Variants in ZBTB40 observed in about 807,000 individuals in gnomAD.
The protein encoded by ZBTB40 is zinc finger and BTB domain containing 40.
Under a neutral mutation model 117.5 loss-of-function variants are expected in ZBTB40, and 60 were observed. The observed-to-expected ratio is 0.51, with a 90% CI of 0.41 to 0.63. The LOEUF (loss-of-function observed/expected upper bound fraction) is 0.63. ZBTB40 is among the 30% of genes least tolerant of loss of function. The pLI is 0.00. For synonymous variants in ZBTB40, 525 were observed against 577.1 expected (o/e 0.91, Z 1.29); for missense variants, 1,287 against 1,498.5 (o/e 0.86, Z 2.33).
chr1:22,453,772 C>G (rs1569762208), intron 1 of ZBTB40, among the ~76,000 whole-genome samples: 1 of 152,246 alleles, frequency 6.6e-6, no homozygotes, highest in East Asian at 1.9e-4. Flanking sequence ...ACTGAACACC[C>G]TGTATTGTTC....
At chr1:22,469,029 A>G (rs994425852) in intron 1 of ZBTB40, among the ~76,000 whole-genome samples, 1 of 145,760 alleles carries the variant, frequency 6.9e-6, no homozygotes, top group Non-Finnish European at 1.5e-5. Flanking sequence ...GAGTGTCACT[A>G]TGTTGCCCAG....
chr1:22,471,866 G>T (rs1279606229), intron 1 of ZBTB40, among the ~76,000 whole-genome samples: 1 of 152,194 alleles, frequency 6.6e-6, no homozygotes, highest in Non-Finnish European at 1.5e-5. Flanking sequence ...GCCCACACGG[G>T]AGCTGCACTC....
At chr1:22,485,766 C>T (rs763553131) in intron 1 of ZBTB40, among the ~76,000 whole-genome samples, 3 of 151,880 alleles carry the variant, frequency 2.0e-5, no homozygotes, top group African/African-American at 7.2e-5. Context: ...TTTGCTTTTT[C>T]GTTTTGGATT....
At chr1:22,432,156 G>T (rs1221164022) in intron 1 of ZBTB40, among the ~76,000 whole-genome samples, 1 of 152,204 alleles carries the variant, frequency 6.6e-6, no homozygotes, top group African/African-American at 2.4e-5. Flanking sequence ...ACTGAAAGAG[G>T]AAGGGCTTCT....
intron 16 of ZBTB40, 22 bp from the exon 17 acceptor site, chr1:22,524,196 C>T (rs1639613665): frequency 1.9e-6 from 3 of 1,613,006 alleles, no homozygotes; most frequent in East Asian, 2.2e-5. Context: ...CAGCCCTCCC[C>T]TTCTGTCTCC....
intron 1 of ZBTB40, among the ~76,000 whole-genome samples, chr1:22,453,718 C>T (rs1450775439): frequency 1.3e-5 from 2 of 152,188 alleles, no homozygotes; most frequent in Non-Finnish European, 2.9e-5. Context: ...TTCGAGGTTA[C>T]ATAGCTAAGG....
chr1:22,491,316 T>C lies in ZBTB40; in HGVS notation c.698-84T>C, dbSNP rs535271373. On this transcript the variant is annotated intron_variant, in intron 2 of 17. Coordinates refer to ENST00000375647, the MANE Select transcript of ZBTB40 (RefSeq NM_014870.4). ...GATCAGTTAAGTGCAGTATATGACCTGAAGGTGCTCAGACAGCTTAAACTT... is the reference window on the plus strand; with the variant it reads ...GATCAGTTAAGTGCAGTATATGACCCGAAGGTGCTCAGACAGCTTAAACTT... 81 of 1,444,318 alleles carry C rather than the reference T, an allele frequency of 5.6e-5. 1 individual carries two copies. The Admixed American group carries it at 1.4e-3, about 25-fold the overall frequency. 89.5% of individuals were successfully genotyped at this position (1,444,318 alleles called of 1,614,324 possible). A position where few individuals can be genotyped will look rare whatever the true frequency, so the allele number is the denominator to read the frequency against.
At chr1:22,519,850 G>C in intron 13 of ZBTB40, 2 of 636,284 alleles carry the variant, frequency 3.1e-6, no homozygotes, top group Admixed American at 4.7e-5. Context: ...TGAAACCCTG[G>C]AGGAATCCCA....
At position 22,513,385 on chromosome 1, in the gene ZBTB40, A is replaced by G. The variant is rs150810233; in HGVS notation, c.2668+255A>G. Among the ~76,000 whole-genome samples the G allele has an allele frequency of 4.6e-5, 7 of 152,296 alleles. No individual in the cohort carries two copies. The highest frequency in any genetic ancestry group is 1.7e-4 in the African/African-American group (7 of 41,562). On this transcript the variant is annotated intron_variant, in intron 12 of 17. Transcript: ENST00000375647. This position sits in a 1 kb window ranked among gnomAD's most constrained non-coding sequence, Gnocchi z 4.9. Reference sequence around the variant, plus strand: ...CAGTTATTTCATATTGCATGCCTGCAGCACAACATCACATGTACCTTGTGA... The same window carrying G: ...CAGTTATTTCATATTGCATGCCTGCGGCACAACATCACATGTACCTTGTGA...
chr1:22,482,396 T>C (rs1638345895), intron 1 of ZBTB40, among the ~76,000 whole-genome samples: 1 of 152,112 alleles, frequency 6.6e-6, no homozygotes, highest in Admixed American at 6.6e-5. Context: ...CCCTCCCCAC[T>C]CCCATTCTCC....
chr1:22,450,620 G>A (rs1417158356), upstream of ZBTB40, among the ~76,000 whole-genome samples: 1 of 152,166 alleles, frequency 6.6e-6, no homozygotes, highest in Non-Finnish European at 1.5e-5. Context: ...CAACAGCTGG[G>A]CAAACAAAGT....
intron 1 of ZBTB40, among the ~76,000 whole-genome samples, chr1:22,431,382 G>GTATATATATATATATA (rs1308135309): frequency 5.8e-4 from 9 of 15,504 alleles, no homozygotes; most frequent in African/African-American, 9.5e-4. Flanking sequence ...GTGTGTGTGT[G>GTATATATATATATATA]TGTATATATA....
intron 1 of ZBTB40, among the ~76,000 whole-genome samples, chr1:22,453,469 G>T (rs943886224): frequency 1.3e-5 from 2 of 152,188 alleles, no homozygotes; most frequent in Admixed American, 1.3e-4. Context: ...TAAATTCTAT[G>T]TGGGGCTTGG....
At chr1:22,452,800 C>T (rs1421242879) in intron 1 of ZBTB40, 7 of 152,304 alleles carry the variant, frequency 4.6e-5, no homozygotes, top group Non-Finnish European at 8.8e-5. Context: ...TGACAGAACA[C>T]TCTGGCTTCC....
At chr1:22,437,442 A>G (rs1379754406) in intron 1 of ZBTB40, among the ~76,000 whole-genome samples, 1 of 144,816 alleles carries the variant, frequency 6.9e-6, no homozygotes, top group Non-Finnish European at 1.5e-5. Context: ...TTTTTTTGAG[A>G]TGGAGTCTCA....
intron 1 of ZBTB40, among the ~76,000 whole-genome samples, chr1:22,433,463 C>G (rs1486497701): frequency 1.8e-5 from 1 of 56,614 alleles, no homozygotes; most frequent in Non-Finnish European, 4.2e-5. Flanking sequence ...AAAAAGACAG[C>G]TAAAAATATG....
At chr1:22,522,529 CA>C in intron 16 of ZBTB40, 66 bp downstream of exon 16, 3 of 1,495,224 alleles carry the variant, frequency 2.0e-6, no homozygotes, top group Non-Finnish European at 2.8e-6. Context: ...CCACCACTTG[CA>C]GCTTTGCAAC....
chr1:22,476,646 G>A (rs1162629900), intron 1 of ZBTB40, among the ~76,000 whole-genome samples: 1 of 152,190 alleles, frequency 6.6e-6, no homozygotes, highest in Non-Finnish European at 1.5e-5. Flanking sequence ...TGTGTTTTGG[G>A]TCATTATGCG....
chr1:22,435,056 A>G lies in ZBTB40; in HGVS notation c.-70+6042A>G, dbSNP rs551782742. Among the ~76,000 whole-genome samples, 150 of 150,438 alleles carry G rather than the reference A, an allele frequency of 1.0e-3. 1 individual carries two copies. The highest frequency in any genetic ancestry group is 3.6e-3 in the African/African-American group (147 of 40,766). ...TTTTAGACAGCATCTCACTCTGTAC[A>G]GTGGTGTGATCTCGGCTCACTGCAA... is the stretch of plus-strand genomic sequence containing the variant. On this transcript the variant is annotated intron_variant, in intron 1 of 8. Coordinates refer to the ZBTB40 transcript ENST00000650433.
Sources: gnomAD v4.1 joint callset for allele counts (sites outside exome capture counted in the v4.1 genomes callset) on GRCh38, gnomAD v4.1.1 for gene constraint, Gnocchi (gnomAD v3.1) non-coding constraint, MANE v1.5 for transcripts, NCBI Gene and HGNC (gene_info 2026-07-23, HGNC 2026-07-21) for gene names.